GALNT18: variants seen among roughly 807,000 people sequenced by gnomAD.
The protein encoded by GALNT18 is polypeptide N-acetylgalactosaminyltransferase 18.
In GALNT18, 44 loss-of-function variants were observed where a neutral mutation model predicts 69.5. That is an observed-to-expected ratio of 0.63 (90% CI 0.50 to 0.81). The LOEUF is 0.81. Among genes scored for constraint, GALNT18 ranks in the 40% least tolerant of loss-of-function variants. The pLI is 0.00. For synonymous variants in GALNT18, 364 were observed against 318.2 expected (o/e 1.14, Z -1.53); for missense variants, 715 against 810.0 (o/e 0.88, Z 1.42).
At chr11:11,514,816 G>T (rs1031967854) in intron 1 of GALNT18, among the ~76,000 whole-genome samples, 2 of 152,162 alleles carry the variant, frequency 1.3e-5, no homozygotes, top group African/African-American at 4.8e-5. Context: ...CTGGAGCCCA[G>T]AGCCTAAGAA....
At chr11:11,612,211 A>T (rs1859923799) in intron 1 of GALNT18, among the ~76,000 whole-genome samples, 1 of 152,224 alleles carries the variant, frequency 6.6e-6, no homozygotes, top group African/African-American at 2.4e-5. Flanking sequence ...TGTTGTGAAG[A>T]TGAAAAGGAA....
Position 11,586,755 on chromosome 11 carries a change from C to T in GALNT18, c.235+34604G>A, listed in dbSNP as rs1024050202. On this transcript the variant is annotated intron_variant, in intron 1 of 10. Coordinates refer to ENST00000227756, the MANE Select transcript of GALNT18 (RefSeq NM_198516.3). This position sits in a 1 kb window ranked among gnomAD's most constrained non-coding sequence, Gnocchi z 4.1. ...TTGGGACGCCGAGGCGGGCAGATCACCTGAGGTCAGGAGTTTGAGACCAGC... is the reference window on the plus strand; with the variant it reads ...TTGGGACGCCGAGGCGGGCAGATCATCTGAGGTCAGGAGTTTGAGACCAGC... Among the ~76,000 whole-genome samples the T allele has an allele frequency of 1.3e-5, 2 of 152,118 alleles. No individual in the cohort carries two copies. The highest frequency in any genetic ancestry group is 4.8e-5 in the African/African-American group (2 of 41,416).
intron 6 of GALNT18, among the ~76,000 whole-genome samples, chr11:11,368,091 T>C (rs919436493): frequency 3.0e-4 from 46 of 152,352 alleles, no homozygotes; most frequent in African/African-American, 9.6e-4. Context: ...CATACACTTA[T>C]AGGTTGACAA....
At chr11:11,567,772 T>C (rs910868135) in intron 1 of GALNT18, among the ~76,000 whole-genome samples, 2 of 152,210 alleles carry the variant, frequency 1.3e-5, no homozygotes, top group African/African-American at 2.4e-5. Context: ...CTCCAAGACT[T>C]AGGATCCAGA....
intron 3 of GALNT18, among the ~76,000 whole-genome samples, chr11:11,386,538 A>G (rs905898622): frequency 1.3e-5 from 2 of 152,228 alleles, no homozygotes; most frequent in African/African-American, 4.8e-5. Context: ...CATAATGTGT[A>G]TGGATGTGTG....
At position 11,540,226 on chromosome 11, in the gene GALNT18, T is replaced by C. The variant is rs760463423; in HGVS notation, c.235+81133A>G. 1.6e-4 allele frequency among the ~76,000 whole-genome samples: 25 copies of C among 152,366 alleles called. No individual in the cohort carries two copies. Among genetic ancestry groups the C allele is most frequent in the South Asian group, 1.4e-3 (7 of 4,832 alleles). The stretch of plus-strand genomic sequence containing the variant: ...ACAGAGATAGTCAGTTCTGTCTCCT[T>C]AGCAAGCTATCTTCTCAAGGGCTTA... On this transcript the variant is annotated intron_variant, in intron 1 of 10. Transcript: ENST00000227756. This position sits in a 1 kb window ranked among gnomAD's most constrained non-coding sequence, Gnocchi z 4.6.
chr11:11,341,159 T>C lies in GALNT18; in HGVS notation c.1093-155A>G, dbSNP rs1850199578. On this transcript the variant is annotated intron_variant, in intron 6 of 10. Transcript: ENST00000227756. This position sits in a 1 kb window ranked among gnomAD's most constrained non-coding sequence, Gnocchi z 6.3. ...TGTGAAGGAGTAGGCCATACCTGAT[T>C]TCTGCTCCTATAGCAGCAGGATGGC... 6.6e-6 allele frequency among the ~76,000 whole-genome samples: 1 copy of C among 152,222 alleles called. No individual in the cohort carries two copies. Among genetic ancestry groups the C allele is most frequent in the African/African-American group, 2.4e-5 (1 of 41,454 alleles).
In GALNT18 at chr11:11,618,230, A is replaced by C. The variant is rs949288025; in HGVS notation, c.235+3129T>G. Among the ~76,000 whole-genome samples the C allele has an allele frequency of 3.9e-5, 6 of 152,194 alleles. No homozygotes were observed. Among genetic ancestry groups the C allele is most frequent in the Admixed American group, 1.3e-4 (2 of 15,280 alleles). On this transcript the variant is annotated intron_variant, in intron 1 of 10. Coordinates refer to ENST00000227756, the MANE Select transcript of GALNT18 (RefSeq NM_198516.3). This position sits in a 1 kb window ranked among gnomAD's most constrained non-coding sequence, Gnocchi z 6.1. ...GCTTCAAGGAGACTTTCCTTCTAAC[A>C]AAAAGAGGAGCCTGGACAAGACTCC...
intron 10 of GALNT18, among the ~76,000 whole-genome samples, chr11:11,275,516 T>G (rs1848924969): frequency 6.6e-6 from 1 of 152,248 alleles, no homozygotes; most frequent in South Asian, 2.1e-4. Flanking sequence ...TCTCTTGCTG[T>G]GCAGAAGCTC....
rs1023395785 is a variant in GALNT18 at position 11,505,880 on chromosome 11, G to A, written c.236-56944C>T. ...TTACTGATCTAATCTCCGAGTCAGA[G>A]AAGCCAGCCATCCATCCTCACTCCT... On this transcript the variant is annotated intron_variant, in intron 1 of 10. Coordinates refer to ENST00000227756, the MANE Select transcript of GALNT18 (RefSeq NM_198516.3). This position sits in a 1 kb window ranked among gnomAD's most constrained non-coding sequence, Gnocchi z 4.6. Among the ~76,000 whole-genome samples, 1 of 152,158 alleles carries A rather than the reference G, an allele frequency of 6.6e-6. No homozygotes were observed. The highest frequency in any genetic ancestry group is 1.9e-4 in the East Asian group (1 of 5,186).
At chr11:11,399,725 G>A (rs1359951030) in intron 3 of GALNT18, among the ~76,000 whole-genome samples, 1 of 152,166 alleles carries the variant, frequency 6.6e-6, no homozygotes, top group Admixed American at 6.5e-5. Context: ...TATGATTTAT[G>A]TTATAAATTA....
intron 1 of GALNT18, among the ~76,000 whole-genome samples, chr11:11,551,378 C>T (rs531663458): frequency 6.6e-6 from 1 of 152,258 alleles, no homozygotes; most frequent in African/African-American, 2.4e-5. Flanking sequence ...CCTTAGCCTG[C>T]GCTCTTCAAA....
At chr11:11,312,352 T>C (rs147771537) in intron 9 of GALNT18, among the ~76,000 whole-genome samples, 2,200 of 152,356 alleles carry the variant, frequency 0.014, 61 homozygotes, top group African/African-American at 0.05. Flanking sequence ...TTGTGTTTTA[T>C]GTGTATTATA....
At position 11,372,514 on chromosome 11, in the gene GALNT18, C is replaced by T; in HGVS notation, c.1092+1G>A. On this transcript the variant is annotated splice_donor_variant, in intron 6 of 10. Transcript: ENST00000227756. LOFTEE classifies it high-confidence loss of function. The surrounding 1 kb of genome is among the most constrained non-coding windows in gnomAD (Gnocchi z 4.9). Reference sequence around the variant, plus strand: ...CAGTTTGAGTGAGAAACCCCACTCACCCTGATCCCAAGCTCCACATTCTCG... The same window carrying T: ...CAGTTTGAGTGAGAAACCCCACTCATCCTGATCCCAAGCTCCACATTCTCG... 1 of 1,613,514 alleles carries T rather than the reference C, an allele frequency of 6.2e-7. No homozygotes were observed.
chr11:11,409,086 C>A (rs910718411), intron 3 of GALNT18, among the ~76,000 whole-genome samples: 1 of 152,170 alleles, frequency 6.6e-6, no homozygotes, highest in Non-Finnish European at 1.5e-5. Flanking sequence ...GCCCTGGTAC[C>A]ACAGGCTAGA....
At chr11:11,331,975 T>C (rs1042271518) in intron 8 of GALNT18, among the ~76,000 whole-genome samples, 2 of 152,070 alleles carry the variant, frequency 1.3e-5, no homozygotes, top group Non-Finnish European at 2.9e-5. Flanking sequence ...AGAAAATACA[T>C]TTTCTGTCTA....
chr11:11,292,381 C>T (rs905684996), intron 10 of GALNT18, among the ~76,000 whole-genome samples: 15 of 152,082 alleles, frequency 9.9e-5, no homozygotes, highest in African/African-American at 3.4e-4. Flanking sequence ...TACTAGGGGC[C>T]AGTGAAGAGC....
chr11:11,307,843 A>G (rs1342188446), intron 9 of GALNT18, among the ~76,000 whole-genome samples: 2 of 152,174 alleles, frequency 1.3e-5, no homozygotes, highest in Non-Finnish European at 2.9e-5. Context: ...TACAGCCCTG[A>G]TGGTCCTGGA....
At chr11:11,441,351 C>A (rs928015077) in intron 2 of GALNT18, among the ~76,000 whole-genome samples, 2 of 152,052 alleles carry the variant, frequency 1.3e-5, no homozygotes, top group Non-Finnish European at 2.9e-5. Flanking sequence ...TTATTTTAAC[C>A]CTTTGTCCTT....
Sources: allele counts gnomAD v4.1 joint callset (sites outside exome capture counted in the v4.1 genomes callset), GRCh38; gene constraint gnomAD v4.1.1; non-coding constraint Gnocchi (gnomAD v3.1); transcripts MANE v1.5; gene names NCBI Gene and HGNC (gene_info 2026-07-23, HGNC 2026-07-21).